FOXN3: variants seen among roughly 807,000 people sequenced by gnomAD.
The protein encoded by FOXN3 is forkhead box N3.
In FOXN3, 7 loss-of-function variants were observed where a neutral mutation model predicts 38.4. That is an observed-to-expected ratio of 0.18 (90% CI 0.10 to 0.34). FOXN3 has a LOEUF of 0.34. FOXN3 is among the 10% of genes least tolerant of loss of function. The probability of loss-of-function intolerance (pLI) is 1.00; values close to 1 mark genes in which losing one functional copy is unlikely to be tolerated. For missense variants in FOXN3, 456 were observed against 613.4 expected (o/e 0.74, Z 2.71); for synonymous variants, 230 against 242.2 (o/e 0.95, Z 0.47).
intron 3 of FOXN3, among the ~76,000 whole-genome samples, chr14:89,346,814 A>C (rs1888771967): frequency 1.3e-5 from 2 of 152,146 alleles, no homozygotes; most frequent in Non-Finnish European, 2.9e-5. Context: ...TCTGAATGGG[A>C]ATTGTGTCTC....
intron 3 of FOXN3, among the ~76,000 whole-genome samples, chr14:89,299,653 T>A (rs750474697): frequency 6.6e-5 from 10 of 152,150 alleles, no homozygotes; most frequent in Non-Finnish European, 1.3e-4. Flanking sequence ...CTTCTACACC[T>A]CCCACTTTGG....
At chr14:89,443,102 G>C (rs1229788768) in intron 1 of FOXN3, among the ~76,000 whole-genome samples, 1 of 152,144 alleles carries the variant, frequency 6.6e-6, no homozygotes, top group African/African-American at 2.4e-5. Context: ...GTAAAATACT[G>C]GTGAGGTCAT....
chr14:89,617,169 T>A (rs778617222), intron 1 of FOXN3, among the ~76,000 whole-genome samples: 18 of 152,350 alleles, frequency 1.2e-4, no homozygotes, highest in Non-Finnish European at 2.2e-4. Context: ...GTGTCTAAAT[T>A]TTTAAGCCAA....
chr14:89,547,106 G>T (rs540255163), intron 1 of FOXN3, among the ~76,000 whole-genome samples: 1 of 152,300 alleles, frequency 6.6e-6, no homozygotes, highest in East Asian at 1.9e-4. Context: ...AATTTATAAA[G>T]AACAGAGGCT....
intron 1 of FOXN3, among the ~76,000 whole-genome samples, chr14:89,439,903 C>A (rs959594958): frequency 6.6e-6 from 1 of 152,180 alleles, no homozygotes; most frequent in Non-Finnish European, 1.5e-5. Flanking sequence ...ATCCACCCGC[C>A]TCGGCCTCCC....
chr14:89,301,170 A>G (rs1465856595), intron 3 of FOXN3, among the ~76,000 whole-genome samples: 1 of 152,126 alleles, frequency 6.6e-6, no homozygotes, highest in African/African-American at 2.4e-5. Context: ...TTGGCTTCAA[A>G]GTGACAAAGT....
At chr14:89,343,923 G>A (rs1456449215) in intron 3 of FOXN3, among the ~76,000 whole-genome samples, 1 of 152,004 alleles carries the variant, frequency 6.6e-6, no homozygotes, top group Non-Finnish European at 1.5e-5. Flanking sequence ...ACCACACCCA[G>A]CTAATTTTTG....
chr14:89,309,616 G>A (rs1406017152), intron 3 of FOXN3, among the ~76,000 whole-genome samples: 5 of 152,136 alleles, frequency 3.3e-5, no homozygotes, highest in East Asian at 1.9e-4. Flanking sequence ...AGCCCAGGGG[G>A]GTCTCTGGAG....
intron 4 of FOXN3, among the ~76,000 whole-genome samples, chr14:89,234,172 G>T (rs1884909280): frequency 6.6e-6 from 1 of 152,216 alleles, no homozygotes; most frequent in Non-Finnish European, 1.5e-5. Context: ...TAGTACAGGG[G>T]TATTTCGTGT....
intron 3 of FOXN3, among the ~76,000 whole-genome samples, chr14:89,308,731 T>G (rs1279548052): frequency 1.3e-5 from 2 of 152,134 alleles, no homozygotes; most frequent in Non-Finnish European, 2.9e-5. Context: ...TAGAATTAAA[T>G]GAGTAGATTC....
At chr14:89,538,134 G>T (rs1207396291) in intron 1 of FOXN3, among the ~76,000 whole-genome samples, 3 of 152,132 alleles carry the variant, frequency 2.0e-5, no homozygotes, top group Non-Finnish European at 2.9e-5. Flanking sequence ...CCAAAGAGGG[G>T]GTTAATCACT....
intron 1 of FOXN3, among the ~76,000 whole-genome samples, chr14:89,422,535 G>T (rs757318779): frequency 6.6e-6 from 1 of 152,222 alleles, no homozygotes; most frequent in African/African-American, 2.4e-5. Flanking sequence ...TTAATCATGG[G>T]TTGACTAAGA....
intron 1 of FOXN3, among the ~76,000 whole-genome samples, chr14:89,526,631 T>C (rs1485676458): frequency 6.6e-6 from 1 of 152,182 alleles, no homozygotes; most frequent in African/African-American, 2.4e-5. Context: ...CAATATACTA[T>C]GTTCATGGAA....
intron 4 of FOXN3, among the ~76,000 whole-genome samples, chr14:89,220,676 C>A (rs1884435487): frequency 6.6e-6 from 1 of 152,114 alleles, no homozygotes; most frequent in African/African-American, 2.4e-5. Context: ...TAGATGGTAC[C>A]CTGTCCTTGG....
intron 2 of FOXN3, among the ~76,000 whole-genome samples, chr14:89,354,726 G>A (rs1360397594): frequency 4.0e-5 from 6 of 151,308 alleles, no homozygotes; most frequent in Admixed American, 3.9e-4. Flanking sequence ...TTTGTGGTGG[G>A]TGCCTGTAAT....
chr14:89,591,136 CTG>C (rs1230815941), intron 1 of FOXN3, among the ~76,000 whole-genome samples: 3 of 152,190 alleles, frequency 2.0e-5, no homozygotes, highest in African/African-American at 7.2e-5. Context: ...GGAGTGTCGG[CTG>C]TGACCTTTAC....
In FOXN3 at chr14:89,399,125, G is replaced by A. The variant is rs529099957; in HGVS notation, c.543+12809C>T. 6.9e-4 allele frequency among the ~76,000 whole-genome samples: 105 copies of A among 152,334 alleles called. No individual in the cohort carries two copies. The South Asian group carries it at 0.014, about 21-fold the overall frequency. On this transcript the variant is annotated intron_variant, in intron 2 of 5. Coordinates refer to ENST00000557258, the MANE Select transcript of FOXN3 (RefSeq NM_005197.4). ...ATTTTCCGAGCAGCTATCTTGATCC[G>A]GTGCACAGGCCCCTGTTCTGACCAG...
At chr14:89,422,826 G>A (rs1451458454) in intron 1 of FOXN3, among the ~76,000 whole-genome samples, 1 of 152,208 alleles carries the variant, frequency 6.6e-6, no homozygotes, top group Non-Finnish European at 1.5e-5. Flanking sequence ...CTTACTTTAA[G>A]AGGGAAGCAG....
chr14:89,268,435 AGTTT>A (rs1392503435), intron 4 of FOXN3, among the ~76,000 whole-genome samples: 3 of 152,234 alleles, frequency 2.0e-5, no homozygotes, highest in African/African-American at 7.2e-5. Flanking sequence ...CTGTATACTT[AGTTT>A]AACTAACACT....
Sources: gnomAD v4.1 joint callset for allele counts (sites outside exome capture counted in the v4.1 genomes callset) on GRCh38, gnomAD v4.1.1 for gene constraint, MANE v1.5 for transcripts, NCBI Gene and HGNC (gene_info 2026-07-23, HGNC 2026-07-21) for gene names.